Variants in PTPN14 observed in about 807,000 individuals in gnomAD.
PTPN14 encodes the protein protein tyrosine phosphatase non-receptor type 14, also known as tyrosine-protein phosphatase non-receptor type 14.
Under a neutral mutation model 126.8 loss-of-function variants are expected in PTPN14, and 53 were observed. The observed-to-expected ratio is 0.42, with a 90% CI of 0.34 to 0.53. The LOEUF (loss-of-function observed/expected upper bound fraction) is 0.53. Among genes scored for constraint, PTPN14 ranks in the 20% least tolerant of loss-of-function variants. The pLI, the probability that PTPN14 is intolerant of heterozygous loss-of-function variation, is 0.08. For missense variants in PTPN14, 1,257 were observed against 1,552.9 expected, an observed-to-expected ratio of 0.81 and a Z score of 3.20; for synonymous variants, 630 against 599.3, an observed-to-expected ratio of 1.05 and a Z score of -0.75.
rs768406459 is a variant in PTPN14, at chr1:214,391,026, G to T, written c.949C>A (p.Pro317Thr). 1.3e-6 allele frequency: 2 copies of T among 1,587,004 alleles called. No individual in the cohort carries two copies. ...CTCCAGGTGGGCTGGCGTCTGATGG[G>T]GGGTGGAGAATTTGACTGTCTACAT... is the stretch of plus-strand genomic sequence containing the variant. ...ICTEQSNSPPPIRRQPTWSRS... is the reference protein window; with the variant it reads ...ICTEQSNSPPTIRRQPTWSRS... The change falls in exon 11 of 19, where the codon CCC becomes ACC. Residue 317 changes from proline to threonine, a missense_variant. By Grantham distance (38) the Pro-to-Thr change is conservative. This residue lies in a region of PTPN14 where 1,021 missense variants were observed against 1,183.3 expected (regional missense o/e 0.86). Transcript: ENST00000366956.
intron 15 of PTPN14, among the ~76,000 whole-genome samples, chr1:214,375,700 T>G (rs2102526340): frequency 6.6e-6 from 1 of 152,342 alleles, no homozygotes; most frequent in Non-Finnish European, 1.5e-5. Flanking sequence ...AGATTCAATA[T>G]TAACCACACT....
chr1:214,544,016 C>T (rs1472776828), intron 1 of PTPN14, among the ~76,000 whole-genome samples: 3 of 152,190 alleles, frequency 2.0e-5, no homozygotes, highest in Admixed American at 1.3e-4. Context: ...CTAAGATGAA[C>T]TGAATAAGAT....
chr1:214,451,855 T>A lies in PTPN14; in HGVS notation c.294A>T (p.Gly98=). ...KFANEPLLFF[G]VMFYVPNVSW... ...ACACATTTGGCACATAGAACATGAC[T>A]CCAAAGAAAAGCAAAGGCTCATTAG... The change falls in exon 3 of 19, where the codon GGA becomes GGT. Residue 98 remains glycine (G), a synonymous_variant. Coordinates refer to ENST00000366956, the MANE Select transcript of PTPN14 (RefSeq NM_005401.5). 1.2e-6 allele frequency: 2 copies of A among 1,614,152 alleles called. No homozygotes were observed.
intron 2 of PTPN14, among the ~76,000 whole-genome samples, chr1:214,455,598 G>C (rs1315296659): frequency 6.6e-6 from 1 of 152,120 alleles, no homozygotes; most frequent in African/African-American, 2.4e-5. Flanking sequence ...AAAGAAGACA[G>C]AAGAGCCAGT....
chr1:214,364,480 G>C lies in PTPN14; in HGVS notation c.3435+32C>G. On this transcript the variant is annotated intron_variant, in intron 18 of 18. Coordinates refer to ENST00000366956, the MANE Select transcript of PTPN14 (RefSeq NM_005401.5). The surrounding 1 kb of genome is among the most constrained non-coding windows in gnomAD (Gnocchi z 4.1). ...AGGGTGTAGACTTGTCCCCAAGGTG[G>C]AGTATCCGGAGAGAAGCCCAGAATG... 6.2e-7 allele frequency: 1 copy of C among 1,605,524 alleles called. No individual in the cohort carries two copies. The highest frequency in any genetic ancestry group is 8.5e-7 in the Non-Finnish European group (1 of 1,174,674).
At chr1:214,375,143 T>G (rs1219739035) in intron 15 of PTPN14, among the ~76,000 whole-genome samples, 1 of 152,202 alleles carries the variant, frequency 6.6e-6, no homozygotes, top group Non-Finnish European at 1.5e-5. Flanking sequence ...TTAAAAACTA[T>G]GGTTATCTGT....
chr1:214,540,081 A>C (rs1009670226), intron 1 of PTPN14, among the ~76,000 whole-genome samples: 1 of 152,226 alleles, frequency 6.6e-6, no homozygotes, highest in Non-Finnish European at 1.5e-5. Flanking sequence ...ATTCCATAAG[A>C]AATTCCTTAC....
At chr1:214,427,116 TAA>T (rs1012168886) in intron 3 of PTPN14, among the ~76,000 whole-genome samples, 3 of 151,478 alleles carry the variant, frequency 2.0e-5, no homozygotes, top group African/African-American at 7.3e-5. Flanking sequence ...CCATCTCTAC[TAA>T]AAATACAAAA....
chr1:214,513,099 C>T (rs1315742914), intron 1 of PTPN14, among the ~76,000 whole-genome samples: 1 of 151,972 alleles, frequency 6.6e-6, no homozygotes, highest in South Asian at 2.1e-4. Flanking sequence ...GGTCTATATA[C>T]TTAGCTGAAA....
chr1:214,429,649 T>C (rs183862313), intron 3 of PTPN14, among the ~76,000 whole-genome samples: 3 of 152,350 alleles, frequency 2.0e-5, no homozygotes, highest in East Asian at 3.9e-4. Context: ...GGTCTTCAAG[T>C]AAACTTATTG....
chr1:214,426,978 C>T (rs962894861), intron 3 of PTPN14, among the ~76,000 whole-genome samples: 9 of 152,040 alleles, frequency 5.9e-5, no homozygotes, highest in African/African-American at 2.2e-4. Context: ...GCAGGCTTCT[C>T]CTAAAAAAAA....
chr1:214,384,776 T>C lies in PTPN14; in HGVS notation c.1079A>G (p.His360Arg), dbSNP rs112523432. The C allele has an allele frequency of 6.2e-7, 1 of 1,611,460 alleles. No individual in the cohort carries two copies. Among genetic ancestry groups the C allele is most frequent in the Non-Finnish European group, 8.5e-7 (1 of 1,178,734 alleles). Residue 360 changes from histidine to arginine, a missense_variant, in exon 13 of 19, where the codon CAT (histidine) becomes CGT (arginine). This residue lies in a region of PTPN14 where 1,021 missense variants were observed against 1,183.3 expected (regional missense o/e 0.86). Transcript: ENST00000366956. The surrounding 1 kb of genome is among the most constrained non-coding windows in gnomAD (Gnocchi z 5.3). ...GCAATACAAGGCTTCTTCATTCCCA[T>C]GAAAAATGCTGTCTACAAGAAGTCA... The part of the protein sequence containing the change: ...ETHTSQDSIF[H>R]GNEEALYCNS...
At chr1:214,504,342 CCTCAAACACA>C (rs1308938727) in intron 1 of PTPN14, among the ~76,000 whole-genome samples, 1 of 152,120 alleles carries the variant, frequency 6.6e-6, no homozygotes, top group African/African-American at 2.4e-5. Context: ...TGGGCAGCTG[CCTCAAACACA>C]CCATTCCTGA....
intron 1 of PTPN14, among the ~76,000 whole-genome samples, chr1:214,506,670 C>A (rs1558133883): frequency 6.6e-6 from 1 of 152,168 alleles, no homozygotes; most frequent in Non-Finnish European, 1.5e-5. Context: ...TGCCAGGTGG[C>A]CAATGCTCAT....
intron 3 of PTPN14, among the ~76,000 whole-genome samples, chr1:214,450,057 CAGG>C (rs901960089): frequency 3.0e-4 from 45 of 151,670 alleles, no homozygotes; most frequent in African/African-American, 9.5e-4. Context: ...TGCGGGAGCC[CAGG>C]AGTTTGTGGC....
At chr1:214,548,646 C>T (rs1197271134) in intron 1 of PTPN14, among the ~76,000 whole-genome samples, 6 of 152,010 alleles carry the variant, frequency 3.9e-5, no homozygotes. Context: ...AATATGGAAC[C>T]CAGGGGGGCT....
intron 1 of PTPN14, chr1:214,532,566 T>C: frequency 9.3e-7 from 1 of 1,074,778 alleles, no homozygotes; most frequent in Non-Finnish European, 1.4e-6. Flanking sequence ...CTGGGGGCCA[T>C]TACTTCAAGA....
intron 4 of PTPN14, among the ~76,000 whole-genome samples, chr1:214,412,699 G>C (rs1253395185): frequency 2.0e-5 from 3 of 152,162 alleles, no homozygotes; most frequent in South Asian, 2.1e-4. Flanking sequence ...GGATTAGTTA[G>C]AGAAGGTTTC....
At chr1:214,492,901 G>GAA (rs966703560) in intron 1 of PTPN14, among the ~76,000 whole-genome samples, 3 of 84,882 alleles carry the variant, frequency 3.5e-5, no homozygotes, top group Non-Finnish European at 5.1e-5. Context: ...CTGTCTCAAA[G>GAA]AAAAAAAAAA....
Sources: allele counts gnomAD v4.1 joint callset (sites outside exome capture counted in the v4.1 genomes callset), GRCh38; gene constraint gnomAD v4.1.1; regional missense constraint gnomAD v4.1.1; non-coding constraint Gnocchi (gnomAD v3.1); transcripts MANE v1.5; gene names NCBI Gene and HGNC (gene_info 2026-07-23, HGNC 2026-07-21).